ZNF644: variants seen among roughly 807,000 people sequenced by gnomAD.
ZNF644 encodes zinc finger protein 644.
ZNF644 carries 20 observed loss-of-function variants against 108.0 expected under a neutral mutation model. That is an observed-to-expected ratio of 0.19 (90% CI 0.13 to 0.27). ZNF644 has a LOEUF of 0.27. Among genes scored for constraint, ZNF644 ranks in the 10% least tolerant of loss-of-function variants. ZNF644 has a pLI of 1.00. For missense variants in ZNF644, 1,338 were observed against 1,548.9 expected (o/e 0.86, Z 2.29); for synonymous variants, 542 against 539.1 (o/e 1.01, Z -0.08).
chr1:90,936,361 C>T (rs1401603489), intron 4 of ZNF644, among the ~76,000 whole-genome samples: 3 of 152,074 alleles, frequency 2.0e-5, no homozygotes, highest in African/African-American at 7.2e-5. Context: ...TGCGTTTTAC[C>T]CTTCTGAAAA....
At chr1:90,989,951 G>A (rs1657475402) in intron 1 of ZNF644, among the ~76,000 whole-genome samples, 1 of 152,176 alleles carries the variant, frequency 6.6e-6, no homozygotes, top group South Asian at 2.1e-4. Flanking sequence ...AAGGGAATGT[G>A]TATACATACA....
At chr1:91,016,430 G>A (rs1660438953) in intron 1 of ZNF644, among the ~76,000 whole-genome samples, 1 of 152,084 alleles carries the variant, frequency 6.6e-6, no homozygotes, top group Non-Finnish European at 1.5e-5. Flanking sequence ...ATTGTTCCTA[G>A]GCTACAACAT....
chr1:90,928,745 T>C (rs1481960670), intron 4 of ZNF644, among the ~76,000 whole-genome samples: 1 of 152,182 alleles, frequency 6.6e-6, no homozygotes, highest in Non-Finnish European at 1.5e-5. Context: ...CTTCTGACAC[T>C]TGAACTCCAA....
intron 2 of ZNF644, among the ~76,000 whole-genome samples, chr1:90,946,999 G>A (rs1018551837): frequency 3.3e-5 from 5 of 152,124 alleles, no homozygotes; most frequent in African/African-American, 1.2e-4. Context: ...CTCCCATGTG[G>A]TAAACGGAAG....
At chr1:90,968,845 A>G (rs1018041261) in intron 2 of ZNF644, among the ~76,000 whole-genome samples, 1 of 152,230 alleles carries the variant, frequency 6.6e-6, no homozygotes, top group Non-Finnish European at 1.5e-5. Flanking sequence ...CCTTGAATGC[A>G]TATATGCACA....
At chr1:90,952,601 G>A (rs1006466727) in intron 2 of ZNF644, among the ~76,000 whole-genome samples, 1 of 151,784 alleles carries the variant, frequency 6.6e-6, no homozygotes, top group Non-Finnish European at 1.5e-5. Flanking sequence ...GCAGAAAGTT[G>A]ATACAATTAA....
intron 1 of ZNF644, among the ~76,000 whole-genome samples, chr1:91,004,678 T>C (rs1407122577): frequency 3.9e-5 from 6 of 152,148 alleles, no homozygotes. Flanking sequence ...AGGATGTATG[T>C]ATGGCAATAA....
intron 2 of ZNF644, among the ~76,000 whole-genome samples, chr1:90,949,994 G>A (rs1473504636): frequency 3.3e-5 from 5 of 151,948 alleles, no homozygotes; most frequent in African/African-American, 9.7e-5. Context: ...AAATAGCGCT[G>A]GGGCCGGGGG....
At chr1:90,970,613 A>C (rs556032036) in intron 2 of ZNF644, among the ~76,000 whole-genome samples, 1 of 152,314 alleles carries the variant, frequency 6.6e-6, no homozygotes, top group South Asian at 2.1e-4. Context: ...GTGTGTGCGA[A>C]TATCTCCTTT....
intron 5 of ZNF644, 55 bp downstream of exon 5, chr1:90,917,997 T>C (rs1648991878): frequency 1.4e-6 from 2 of 1,411,456 alleles, no homozygotes; most frequent in Admixed American, 1.7e-5. Context: ...ATAGCTAATA[T>C]GTTTCAAAGC....
At chr1:91,001,139 T>G (rs1658737943) in intron 1 of ZNF644, among the ~76,000 whole-genome samples, 1 of 152,324 alleles carries the variant, frequency 6.6e-6, no homozygotes, top group African/African-American at 2.4e-5. Flanking sequence ...CTTCTGAAAC[T>G]ATTCCAATCA....
At chr1:91,013,176 C>G (rs879840473) in intron 1 of ZNF644, among the ~76,000 whole-genome samples, 2 of 152,052 alleles carry the variant, frequency 1.3e-5, no homozygotes, top group Non-Finnish European at 2.9e-5. Flanking sequence ...CATGTTTAAG[C>G]AATTCTCCCG....
chr1:90,915,458 A>G lies in ZNF644; in HGVS notation c.*1340T>C, dbSNP rs1429192007. The G allele has an allele frequency of 1.3e-5, 2 of 152,616 alleles. No homozygotes were observed. The highest frequency in any genetic ancestry group is 2.9e-5 in the Non-Finnish European group (2 of 68,012). The allele number at this position is 152,616 out of a possible 1,614,324, so 9.5% of individuals were successfully genotyped here. A position where few individuals can be genotyped will look rare whatever the true frequency, so the allele number is the denominator to read the frequency against. On this transcript the variant is annotated 3_prime_UTR_variant, in exon 6 of 6. Coordinates refer to ENST00000337393, the MANE Select transcript of ZNF644 (RefSeq NM_201269.3). The stretch of plus-strand genomic sequence containing the variant: ...TTATTTACATACGAAGCAAAGAATC[A>G]ATGCATATCCTTGGTTCAACTATAG...
intron 1 of ZNF644, among the ~76,000 whole-genome samples, chr1:90,989,525 A>G (rs1357643933): frequency 1.3e-5 from 2 of 152,216 alleles, no homozygotes; most frequent in Non-Finnish European, 1.5e-5. Context: ...CCTGGGCAAT[A>G]TAGCAAGACC....
chr1:90,991,144 G>A (rs764300416), intron 1 of ZNF644, among the ~76,000 whole-genome samples: 27 of 152,036 alleles, frequency 1.8e-4, no homozygotes, highest in African/African-American at 5.3e-4. Context: ...GCAGCACTTC[G>A]GCAACAATAC....
chr1:90,947,921 T>C (rs927110090), intron 2 of ZNF644, among the ~76,000 whole-genome samples: 3 of 152,154 alleles, frequency 2.0e-5, no homozygotes, highest in Non-Finnish European at 4.4e-5. Context: ...ATACAGTCTC[T>C]ACTGAATGCA....
intron 2 of ZNF644, among the ~76,000 whole-genome samples, chr1:90,950,995 A>G (rs758453919): frequency 6.6e-6 from 1 of 152,184 alleles, no homozygotes; most frequent in Non-Finnish European, 1.5e-5. Flanking sequence ...TTCCTCATCT[A>G]TATCAGTTGT....
At chr1:90,948,483 C>T (rs1274775494) in intron 2 of ZNF644, among the ~76,000 whole-genome samples, 1 of 152,232 alleles carries the variant, frequency 6.6e-6, no homozygotes, top group East Asian at 1.9e-4. Flanking sequence ...CCCTCAGTAT[C>T]CATGGCTGAT....
At chr1:90,943,348 G>A (rs1652189762) in intron 2 of ZNF644, among the ~76,000 whole-genome samples, 1 of 152,146 alleles carries the variant, frequency 6.6e-6, no homozygotes. Flanking sequence ...GGCTGAGGCA[G>A]GAGAATGGCG....
Sources: gnomAD v4.1 joint callset for allele counts (sites outside exome capture counted in the v4.1 genomes callset) on GRCh38, gnomAD v4.1.1 for gene constraint, MANE v1.5 for transcripts, NCBI Gene and HGNC (gene_info 2026-07-23, HGNC 2026-07-21) for gene names.